Variants in SLC24A2 observed in about 807,000 individuals in gnomAD.
SLC24A2 encodes sodium/potassium/calcium exchanger 2.
SLC24A2 carries 36 observed loss-of-function variants against 62.0 expected under a neutral mutation model. That is an observed-to-expected ratio of 0.58 (90% CI 0.44 to 0.77). The LOEUF is 0.77. SLC24A2 is among the 30% of genes least tolerant of loss of function. The pLI, the probability that SLC24A2 is intolerant of heterozygous loss-of-function variation, is 0.00. For missense variants in SLC24A2, 846 were observed against 817.9 expected, an observed-to-expected ratio of 1.03 and a Z score of -0.42; for synonymous variants, 358 against 294.0, an observed-to-expected ratio of 1.22 and a Z score of -2.23.
At chr9:20,199,283 A>G in the SLC24A2 span, among the ~76,000 whole-genome samples, 1 of 152,240 alleles carries the variant, frequency 6.6e-6, no homozygotes, top group African/African-American at 2.4e-5. Flanking sequence ...AGGAACCAAT[A>G]AAAAGAACAA....
the SLC24A2 span, among the ~76,000 whole-genome samples, chr9:20,093,867 G>T: frequency 6.6e-6 from 1 of 152,044 alleles, no homozygotes; most frequent in Non-Finnish European, 1.5e-5. Flanking sequence ...ATGGATACCC[G>T]ATTTACTCTG....
chr9:20,050,230 C>G, the SLC24A2 span, among the ~76,000 whole-genome samples: 1 of 144,272 alleles, frequency 6.9e-6, no homozygotes, highest in Non-Finnish European at 1.5e-5. Context: ...ATGGTGAAAC[C>G]CCGTCTCTAC....
intron 4 of SLC24A2, among the ~76,000 whole-genome samples, chr9:19,611,300 TGAG>T (rs1274826752): frequency 3.8e-5 from 5 of 132,742 alleles, no homozygotes; most frequent in African/African-American, 1.5e-4. Flanking sequence ...GGTAGAGAAA[TGAG>T]GAGACAGGAA....
At chr9:20,273,394 T>C in the SLC24A2 span, among the ~76,000 whole-genome samples, 3 of 152,216 alleles carry the variant, frequency 2.0e-5, no homozygotes, top group African/African-American at 7.2e-5. Context: ...TCCAAAGTGA[T>C]ATGATTTGCC....
At chr9:19,629,892 G>GAA (rs1013984022) in intron 2 of SLC24A2, among the ~76,000 whole-genome samples, 1 of 152,112 alleles carries the variant, frequency 6.6e-6, no homozygotes, top group Admixed American at 6.6e-5. Context: ...TTTGAATAAA[G>GAA]AAAATTCATT....
chr9:19,541,770 C>G (rs1477823581), intron 8 of SLC24A2, among the ~76,000 whole-genome samples: 8 of 148,718 alleles, frequency 5.4e-5, no homozygotes, highest in Non-Finnish European at 1.2e-4. Context: ...TTTACCTAAG[C>G]AAGCCTGGGC....
chr9:20,183,208 G>C, the SLC24A2 span, among the ~76,000 whole-genome samples: 1 of 152,158 alleles, frequency 6.6e-6, no homozygotes, highest in African/African-American at 2.4e-5. Context: ...GATAGGTGTG[G>C]GGAGAACTAA....
chr9:19,584,211 C>G (rs746709419), intron 5 of SLC24A2, among the ~76,000 whole-genome samples: 8 of 150,882 alleles, frequency 5.3e-5, no homozygotes, highest in Non-Finnish European at 1.2e-4. Flanking sequence ...TGATCAGCTC[C>G]TCTGGGAAGT....
At chr9:20,244,809 A>G in the SLC24A2 span, among the ~76,000 whole-genome samples, 40,884 of 152,130 alleles carry the variant, frequency 0.27, 5,652 homozygotes, top group South Asian at 0.4. Context: ...ATTTTCTTTA[A>G]AACAGAAATG....
chr9:19,968,030 G>C, the SLC24A2 span: 1 of 152,122 alleles, frequency 6.6e-6, no homozygotes, highest in African/African-American at 2.4e-5. Flanking sequence ...CAGAGGTATG[G>C]CATTGGGTAA....
the SLC24A2 span, among the ~76,000 whole-genome samples, chr9:19,847,260 G>A: frequency 1.3e-5 from 2 of 151,978 alleles, no homozygotes; most frequent in African/African-American, 2.4e-5. Flanking sequence ...ATTTAATATT[G>A]CCCATTATTT....
the SLC24A2 span, among the ~76,000 whole-genome samples, chr9:20,180,316 T>C: frequency 1.3e-5 from 2 of 152,198 alleles, no homozygotes; most frequent in South Asian, 2.1e-4. Flanking sequence ...AATCACCATA[T>C]AGATATTGGT....
chr9:20,106,706 A>G, the SLC24A2 span, among the ~76,000 whole-genome samples: 9 of 152,192 alleles, frequency 5.9e-5, no homozygotes, highest in Non-Finnish European at 7.3e-5. Context: ...TCTCAAAATA[A>G]TAAGAGCTAT....
At chr9:20,230,302 T>A in the SLC24A2 span, among the ~76,000 whole-genome samples, 49 of 152,210 alleles carry the variant, frequency 3.2e-4, no homozygotes, top group African/African-American at 9.6e-5. Flanking sequence ...CCCTGAGGAA[T>A]CGTCACACTG....
At chr9:20,065,934 A>C in the SLC24A2 span, among the ~76,000 whole-genome samples, 5 of 152,336 alleles carry the variant, frequency 3.3e-5, no homozygotes, top group East Asian at 9.6e-4. Flanking sequence ...TGGAAGGATA[A>C]AAACACACCA....
At chr9:20,182,510 T>C in the SLC24A2 span, among the ~76,000 whole-genome samples, 1 of 152,150 alleles carries the variant, frequency 6.6e-6, no homozygotes. Context: ...CTGGAAACCA[T>C]CATTCTCAGC....
At chr9:20,128,842 G>A in the SLC24A2 span, among the ~76,000 whole-genome samples, 1 of 151,944 alleles carries the variant, frequency 6.6e-6, no homozygotes, top group African/African-American at 2.4e-5. Flanking sequence ...AAAACTCTTT[G>A]AAGAATATAT....
the SLC24A2 span, among the ~76,000 whole-genome samples, chr9:19,836,528 G>A: frequency 2.6e-5 from 4 of 152,126 alleles, no homozygotes; most frequent in Non-Finnish European, 5.9e-5. Context: ...ACTAAGCCAG[G>A]AAGAAGTTGA....
intron 8 of SLC24A2, among the ~76,000 whole-genome samples, chr9:19,535,414 T>A (rs1401199232): frequency 6.6e-6 from 1 of 152,204 alleles, no homozygotes; most frequent in Non-Finnish European, 1.5e-5. Flanking sequence ...GTTTTAGACA[T>A]GAAGTCTTTC....
Sources: gnomAD v4.1 joint callset for allele counts (sites outside exome capture counted in the v4.1 genomes callset) on GRCh38, gnomAD v4.1.1 for gene constraint, MANE v1.5 for transcripts, NCBI Gene and HGNC (gene_info 2026-07-23, HGNC 2026-07-21) for gene names.